The following STK32A variants were observed in gnomAD, a reference collection of about 807,000 sequenced individuals.
STK32A encodes the protein serine/threonine kinase 32A, also known as serine/threonine-protein kinase 32A.
Under a neutral mutation model 53.2 loss-of-function variants are expected in STK32A, and 41 were observed. The observed-to-expected ratio is 0.77, with a 90% CI of 0.60 to 1.00. The LOEUF (loss-of-function observed/expected upper bound fraction) is 1.00, where lower values mean the gene tolerates loss of function less well. Among genes scored for constraint, STK32A ranks in the 50% least tolerant of loss-of-function variants. STK32A has a pLI of 0.00. For missense variants in STK32A, 458 were observed against 485.8 expected (o/e 0.94, Z 0.54); for synonymous variants, 166 against 162.8 (o/e 1.02, Z -0.15).
chr5:147,353,536 C>A (rs578213390), intron 7 of STK32A, among the ~76,000 whole-genome samples: 6 of 152,098 alleles, frequency 3.9e-5, no homozygotes, highest in Non-Finnish European at 8.8e-5. Context: ...CCGAGGCAGG[C>A]GGATCACAAG....
chr5:147,304,822 C>A (rs1193356692), intron 4 of STK32A, among the ~76,000 whole-genome samples: 1 of 152,104 alleles, frequency 6.6e-6, no homozygotes, highest in Admixed American at 6.6e-5. Context: ...AAAGAGCAGA[C>A]CCCTTACTTG....
intron 4 of STK32A, among the ~76,000 whole-genome samples, chr5:147,301,401 A>T (rs552659714): frequency 8.7e-4 from 132 of 152,154 alleles, no homozygotes; most frequent in Non-Finnish European, 1.5e-3. Flanking sequence ...AGATATGTCA[A>T]ATAAGTGTAT....
chr5:147,391,594 A>G (rs1157905250), downstream of STK32A: 1 of 152,282 alleles, frequency 6.6e-6, no homozygotes, highest in African/African-American at 2.4e-5. Flanking sequence ...GTGAATTCGA[A>G]GAGGGCCGGG....
chr5:147,391,775 C>A (rs563824992), downstream of STK32A: 21 of 152,280 alleles, frequency 1.4e-4, no homozygotes, highest in East Asian at 3.7e-3. Context: ...AGAGAGGCTT[C>A]CTGAGCTCAT....
chr5:147,357,509 C>G (rs1756304657), intron 7 of STK32A, among the ~76,000 whole-genome samples: 1 of 151,664 alleles, frequency 6.6e-6, no homozygotes, highest in Non-Finnish European at 1.5e-5. Context: ...ATATGAAATC[C>G]TAGGGTATCA....
intron 2 of STK32A, among the ~76,000 whole-genome samples, chr5:147,260,250 CTCTCCTCTCTCTCCCTCTCCCCTCT>C: frequency 2.9e-5 from 4 of 138,028 alleles, no homozygotes; most frequent in African/African-American, 8.3e-5. Flanking sequence ...GTCTCTCTCT[CTCTCCTCTCTCTCCCTCTCCCCTCT>C]CTGTCTCTCT....
intron 2 of STK32A, among the ~76,000 whole-genome samples, chr5:147,270,496 G>C (rs1359448560): frequency 6.6e-6 from 1 of 152,156 alleles, no homozygotes; most frequent in Non-Finnish European, 1.5e-5. Flanking sequence ...TTACAGGTAT[G>C]AACCACTGAG....
At chr5:147,346,988 T>C (rs538271029) in intron 6 of STK32A, among the ~76,000 whole-genome samples, 17 of 152,310 alleles carry the variant, frequency 1.1e-4, no homozygotes, top group Non-Finnish European at 1.8e-4. Flanking sequence ...ACAGTGTCCT[T>C]TTAAAACAAC....
chr5:147,290,371 A>G (rs576914703), intron 4 of STK32A, among the ~76,000 whole-genome samples: 93 of 152,218 alleles, frequency 6.1e-4, no homozygotes, highest in East Asian at 5.8e-4. Context: ...ACAGTCTTCA[A>G]ATGTAGGCCA....
At chr5:147,347,666 G>C (rs1755755964) in intron 6 of STK32A, among the ~76,000 whole-genome samples, 1 of 152,158 alleles carries the variant, frequency 6.6e-6, no homozygotes, top group Non-Finnish European at 1.5e-5. Context: ...TCAAGGCCTG[G>C]GCTAATGAAA....
chr5:147,296,102 CA>C lies in STK32A; in HGVS notation c.260+16705del, dbSNP rs774170216. Among the ~76,000 whole-genome samples the C allele has an allele frequency of 2.6e-5, 4 of 152,266 alleles. No individual in the cohort carries two copies. In the East Asian group the frequency reaches 7.7e-4, roughly 29 times the overall value. On this transcript the variant is annotated intron_variant, in intron 4 of 12. Coordinates refer to ENST00000397936, the MANE Select transcript of STK32A (RefSeq NM_001112724.2). ...AATTTCAATATAGCCAGCTAAATGC[CA>C]GCAAGGTATATTTTGGAGAACTGTT...
intron 2 of STK32A, among the ~76,000 whole-genome samples, chr5:147,269,713 G>A (rs971534097): frequency 1.3e-5 from 2 of 152,074 alleles, no homozygotes; most frequent in African/African-American, 2.4e-5. Context: ...AGACTGCATT[G>A]GTTTAATTTG....
Position 147,360,475 on chromosome 5 carries a change from A to AAAG in STK32A, c.563-1040_563-1039insGAA, listed in dbSNP as rs1561746505. On this transcript the variant is annotated intron_variant, in intron 7 of 12. Coordinates refer to ENST00000397936, the MANE Select transcript of STK32A (RefSeq NM_001112724.2). The stretch of plus-strand genomic sequence containing the variant: ...CAAAAAAAAAAAAAAAAAGAAAAAA[A>AAAG]AAAGAAAGAAAGAAAGAAAGAAAAA... Among the ~76,000 whole-genome samples, 5 of 143,384 alleles carry AAAG rather than the reference A, an allele frequency of 3.5e-5. No individual in the cohort carries two copies. In the East Asian group the frequency reaches 1.0e-3, roughly 29 times the overall value. The allele number at this position is 143,384 out of a possible 152,430, so 94.1% of individuals were successfully genotyped here.
chr5:147,241,836 G>A lies in STK32A; in HGVS notation c.52+2150G>A, dbSNP rs144233181. Among the ~76,000 whole-genome samples, 216 of 152,250 alleles carry A rather than the reference G, an allele frequency of 1.4e-3. 2 individuals carry two copies. Among genetic ancestry groups the A allele is most frequent in the African/African-American group, 4.7e-3 (197 of 41,558 alleles). ...GCTAATGTTGTACATGAGGCTGGTCGTCAGAGAATAGGGTGGAAAAGAGAG... is the reference window on the plus strand; with the variant it reads ...GCTAATGTTGTACATGAGGCTGGTCATCAGAGAATAGGGTGGAAAAGAGAG... On this transcript the variant is annotated intron_variant, in intron 2 of 12. Transcript: ENST00000397936.
the STK32A span, chr5:147,397,605 T>C: frequency 3.2e-6 from 5 of 1,540,318 alleles, no homozygotes; most frequent in Non-Finnish European, 2.7e-6. Context: ...ATGGTTACTA[T>C]CTCTGAGCGT....
At chr5:147,256,200 TAA>T (rs1421286891) in intron 2 of STK32A, among the ~76,000 whole-genome samples, 8 of 152,328 alleles carry the variant, frequency 5.3e-5, no homozygotes, top group Admixed American at 2.0e-4. Flanking sequence ...CAAGGAACAC[TAA>T]GTTTCCTCCC....
In STK32A at chr5:147,285,773, A is replaced by C. The variant is rs970963858; in HGVS notation, c.260+6375A>C. 2.5e-4 allele frequency among the ~76,000 whole-genome samples: 3 copies of C among 11,888 alleles called. No individual in the cohort carries two copies. In the Admixed American group the frequency reaches 4.7e-3, roughly 19 times the overall value. 7.8% of individuals were successfully genotyped at this position (11,888 alleles called of 152,430 possible). A position where few individuals can be genotyped will look rare whatever the true frequency, so the allele number is the denominator to read the frequency against. On this transcript the variant is annotated intron_variant, in intron 4 of 12. Coordinates refer to ENST00000397936, the MANE Select transcript of STK32A (RefSeq NM_001112724.2). ...TACTCCTGCAAGAATGGTTATAATA[A>C]AAAAAAAATCAAAAAACAGCAGATG...
chr5:147,283,918 C>A (rs2151957365), intron 4 of STK32A, among the ~76,000 whole-genome samples: 1 of 151,910 alleles, frequency 6.6e-6, no homozygotes, highest in African/African-American at 2.4e-5. Flanking sequence ...CCTAATTCAT[C>A]CTATGAAGCC....
At chr5:147,379,781 G>A (rs769529403) in intron 11 of STK32A, among the ~76,000 whole-genome samples, 38 of 152,046 alleles carry the variant, frequency 2.5e-4, no homozygotes, top group African/African-American at 8.0e-4. Flanking sequence ...TTCAGATGCC[G>A]TCTCCAGCTA....
Sources: gnomAD v4.1 joint callset for allele counts (sites outside exome capture counted in the v4.1 genomes callset) on GRCh38, gnomAD v4.1.1 for gene constraint, MANE v1.5 for transcripts, NCBI Gene and HGNC (gene_info 2026-07-23, HGNC 2026-07-21) for gene names.